Variants in GRIP1 observed in about 807,000 individuals in gnomAD.
The protein encoded by GRIP1 is glutamate receptor interacting protein 1.
In GRIP1, 45 loss-of-function variants were observed where a neutral mutation model predicts 129.9. The ratio of observed to expected loss-of-function variants is 0.35; its 90% CI spans 0.27 to 0.44. GRIP1 has a LOEUF of 0.44. Ranked by LOEUF, GRIP1 falls within the 20% of genes least tolerant of loss-of-function variation. The pLI, the probability that GRIP1 is intolerant of heterozygous loss-of-function variation, is 1.00. For synonymous variants in GRIP1, 530 were observed against 520.8 expected, an observed-to-expected ratio of 1.02 and a Z score of -0.24; for missense variants, 1,196 against 1,396.8, an observed-to-expected ratio of 0.86 and a Z score of 2.29.
chr12:66,389,940 A>C (rs2056517174), intron 19 of GRIP1, among the ~76,000 whole-genome samples: 1 of 152,210 alleles, frequency 6.6e-6, no homozygotes, highest in African/African-American at 2.4e-5. Flanking sequence ...GGAAAGCCTC[A>C]ACAGAGACCC....
Position 66,679,062 on chromosome 12 carries a change from C to T in GRIP1, c.-158G>A, listed in dbSNP as rs559798312. The T allele has an allele frequency of 2.9e-4, 436 of 1,521,910 alleles. No individual in the cohort carries two copies. The highest frequency in any genetic ancestry group is 1.8e-3 in the African/African-American group (134 of 72,552). 94.3% of individuals were successfully genotyped at this position (1,521,910 alleles called of 1,614,324 possible). ...ATTCCTCTTGGCTGATGCAGAGGTC[C>T]GCTACATGTCATCTGGCAAATCTGT... On this transcript the variant is annotated 5_prime_UTR_variant, in exon 1 of 25. Transcript: ENST00000359742.
chr12:66,732,136 C>T (rs1041551124), intron 1 of GRIP1, among the ~76,000 whole-genome samples: 3 of 152,030 alleles, frequency 2.0e-5, no homozygotes, highest in Admixed American at 2.0e-4. Context: ...TACACCTGCT[C>T]CTCTTGCCTC....
chr12:66,809,419 T>C (rs2039059822), intron 1 of GRIP1, among the ~76,000 whole-genome samples: 1 of 152,208 alleles, frequency 6.6e-6, no homozygotes. Context: ...CCCTTTTAGA[T>C]TTCATAGCAT....
At chr12:66,378,545 G>A (rs552242026) in intron 20 of GRIP1, among the ~76,000 whole-genome samples, 179 of 152,116 alleles carry the variant, frequency 1.2e-3, no homozygotes, top group African/African-American at 3.9e-3. Context: ...TCAGGAGTTC[G>A]AGACCGGCCT....
chr12:66,822,355 T>G (rs1296851642), intron 1 of GRIP1, among the ~76,000 whole-genome samples: 1 of 152,196 alleles, frequency 6.6e-6, no homozygotes, highest in African/African-American at 2.4e-5. Context: ...AAACAATACA[T>G]GCTGGCAAGG....
At chr12:66,684,085 T>C (rs181575626), upstream of GRIP1, among the ~76,000 whole-genome samples, 3 of 152,332 alleles carry the variant, frequency 2.0e-5, no homozygotes, top group East Asian at 3.9e-4. Context: ...CTTGTTTGAA[T>C]GGTAAACTGA....
intron 23 of GRIP1, among the ~76,000 whole-genome samples, chr12:66,354,038 G>A (rs1215572447): frequency 1.3e-5 from 2 of 152,164 alleles, no homozygotes; most frequent in Non-Finnish European, 2.9e-5. Flanking sequence ...GTACCATGAA[G>A]TTCATCCTTT....
chr12:66,450,303 C>CAAAA (rs143013040), intron 11 of GRIP1, among the ~76,000 whole-genome samples: 1,046 of 26,926 alleles, frequency 0.039, no homozygotes, highest in Non-Finnish European at 0.043. Context: ...GACTCCATCT[C>CAAAA]AAAAAAAAAA....
chr12:66,539,544 G>GTTTTTTTTTTTTTTTTTTTTT (rs1250833017), intron 3 of GRIP1, among the ~76,000 whole-genome samples: 7 of 67,668 alleles, frequency 1.0e-4, no homozygotes, highest in African/African-American at 4.3e-4. Flanking sequence ...ATCAAGAGAA[G>GTTTTTTTTTTTTTTTTTTTTT]CTTTTTTTTT....
chr12:66,512,167 T>C (rs1354622563), intron 7 of GRIP1, among the ~76,000 whole-genome samples: 2 of 152,092 alleles, frequency 1.3e-5, no homozygotes, highest in Admixed American at 1.3e-4. Context: ...AATTACCCAG[T>C]CTTAGGTAGT....
chr12:67,010,840 A>G (rs927790568), intron 1 of GRIP1, among the ~76,000 whole-genome samples: 4 of 150,938 alleles, frequency 2.7e-5, no homozygotes, highest in Admixed American at 1.3e-4. Context: ...GGAACACCCA[A>G]CTCTCCTAGG....
At chr12:66,559,509 A>T (rs1371659120) in intron 2 of GRIP1, among the ~76,000 whole-genome samples, 1 of 152,204 alleles carries the variant, frequency 6.6e-6, no homozygotes, top group Non-Finnish European at 1.5e-5. Flanking sequence ...AACATAAAAA[A>T]TCAGTGGCAT....
At chr12:66,498,099 C>T (rs2060286255) in intron 7 of GRIP1, among the ~76,000 whole-genome samples, 1 of 152,198 alleles carries the variant, frequency 6.6e-6, no homozygotes, top group Non-Finnish European at 1.5e-5. Context: ...TCCTATAAAA[C>T]TGCCCCACCC....
intron 1 of GRIP1, among the ~76,000 whole-genome samples, chr12:67,040,924 T>A (rs991008441): frequency 6.6e-6 from 1 of 152,062 alleles, no homozygotes; most frequent in Non-Finnish European, 1.5e-5. Context: ...CTGAGTAAAG[T>A]AGATTACCCT....
chr12:66,936,090 C>T (rs1400323706), intron 1 of GRIP1, among the ~76,000 whole-genome samples: 1 of 152,112 alleles, frequency 6.6e-6, no homozygotes, highest in African/African-American at 2.4e-5. Context: ...TAGGTGAACA[C>T]ATTGATGTGC....
At chr12:67,059,331 G>T (rs560384623) in intron 1 of GRIP1, among the ~76,000 whole-genome samples, 1 of 152,184 alleles carries the variant, frequency 6.6e-6, no homozygotes, top group Non-Finnish European at 1.5e-5. Flanking sequence ...AAGTCCAAAT[G>T]AGCTGCCAAG....
At chr12:66,692,092 T>C (rs2035002344) in intron 1 of GRIP1, among the ~76,000 whole-genome samples, 1 of 152,222 alleles carries the variant, frequency 6.6e-6, no homozygotes, top group Non-Finnish European at 1.5e-5. Context: ...AGTTTTCCAT[T>C]ATCAATCTCT....
chr12:66,465,485 A>C, intron 7 of GRIP1, 63 bp from the exon 8 acceptor site: 1 of 1,386,356 alleles, frequency 7.2e-7, no homozygotes, highest in Admixed American at 1.8e-5. Context: ...AGACAAAAGA[A>C]AGAGATGAAG....
chr12:66,680,697 GATAA>G (rs1332264158), upstream of GRIP1, among the ~76,000 whole-genome samples: 24 of 152,104 alleles, frequency 1.6e-4, 1 homozygote, highest in Admixed American at 1.6e-3. Context: ...GCTAAAGTGA[GATAA>G]ATACTTACAG....
Sources: gnomAD v4.1 joint callset for allele counts (sites outside exome capture counted in the v4.1 genomes callset) on GRCh38, gnomAD v4.1.1 for gene constraint, MANE v1.5 for transcripts, NCBI Gene and HGNC (gene_info 2026-07-23, HGNC 2026-07-21) for gene names.